Variants in RALGAPA1 observed in about 807,000 individuals in gnomAD.
The protein encoded by RALGAPA1 is Ral GTPase activating protein catalytic subunit alpha 1, also known as ral GTPase-activating protein subunit alpha-1.
A neutral mutation model predicts 269.6 loss-of-function variants in RALGAPA1; 52 were observed. The observed-to-expected ratio is 0.19, with a 90% confidence interval of 0.15 to 0.24. RALGAPA1 has a LOEUF of 0.24. Among genes scored for constraint, RALGAPA1 ranks in the 10% least tolerant of loss-of-function variants. RALGAPA1 has a pLI of 1.00. For synonymous variants in RALGAPA1, 817 were observed against 1,008.3 expected (o/e 0.81, Z 3.60); for missense variants, 1,917 against 3,013.9 (o/e 0.64, Z 8.52).
intron 37 of RALGAPA1, among the ~76,000 whole-genome samples, chr14:35,579,919 T>C (rs2057843122): frequency 3.3e-5 from 5 of 152,180 alleles, no homozygotes; most frequent in Admixed American, 2.6e-4. Flanking sequence ...ATTTATTTTT[T>C]AACAAATTCA....
intron 11 of RALGAPA1, among the ~76,000 whole-genome samples, chr14:35,740,291 C>T (rs2071424070): frequency 6.6e-6 from 1 of 152,194 alleles, no homozygotes; most frequent in South Asian, 2.1e-4. Context: ...CTACCTCCAA[C>T]ACTTGTTCTC....
At chr14:35,630,985 CTAAA>C (rs1321131599) in intron 33 of RALGAPA1, among the ~76,000 whole-genome samples, 1 of 151,950 alleles carries the variant, frequency 6.6e-6, no homozygotes, top group Non-Finnish European at 1.5e-5. Context: ...ATTAATAACA[CTAAA>C]TGATTAACTT....
chr14:35,735,368 A>G (rs2070883165), intron 12 of RALGAPA1, among the ~76,000 whole-genome samples: 1 of 152,252 alleles, frequency 6.6e-6, no homozygotes, highest in Non-Finnish European at 1.5e-5. Context: ...ACAATGGAAT[A>G]CTATTCAGCC....
chr14:35,608,648 A>T (rs576741352), intron 35 of RALGAPA1, among the ~76,000 whole-genome samples: 48 of 152,332 alleles, frequency 3.2e-4, no homozygotes, highest in Admixed American at 2.9e-3. Flanking sequence ...AAATATGAAA[A>T]TTACAAATAT....
At chr14:35,586,502 G>A (rs2058299979) in intron 37 of RALGAPA1, among the ~76,000 whole-genome samples, 1 of 152,186 alleles carries the variant, frequency 6.6e-6, no homozygotes. Context: ...CAGGAGTGGT[G>A]AGAGAGGGCA....
chr14:35,565,477 T>A (rs2056618717), intron 39 of RALGAPA1, among the ~76,000 whole-genome samples: 1 of 152,054 alleles, frequency 6.6e-6, no homozygotes, highest in Admixed American at 6.6e-5. Context: ...TGGGTGGGCC[T>A]CATCCAATCA....
chr14:35,676,160 C>T (rs1200042217), intron 22 of RALGAPA1: 5 of 151,800 alleles, frequency 3.3e-5, no homozygotes, highest in South Asian at 4.2e-4. Context: ...TCAAAGCTAA[C>T]AAAATTTTAA....
At chr14:35,695,447 A>G (rs2066828091) in intron 17 of RALGAPA1, among the ~76,000 whole-genome samples, 1 of 152,194 alleles carries the variant, frequency 6.6e-6, no homozygotes, top group Non-Finnish European at 1.5e-5. Flanking sequence ...TTTATTTTTC[A>G]TTGACAGTCA....
chr14:35,679,079 T>C (rs1044301978), intron 21 of RALGAPA1, among the ~76,000 whole-genome samples: 23 of 152,226 alleles, frequency 1.5e-4, no homozygotes, highest in Admixed American at 6.5e-5. Flanking sequence ...CTGGGTATAG[T>C]ACCTGGTGCA....
At chr14:35,760,624 CTTGGGA>C (rs1335318234) in intron 6 of RALGAPA1, among the ~76,000 whole-genome samples, 199 bp downstream of exon 6, 3 of 152,224 alleles carry the variant, frequency 2.0e-5, no homozygotes, top group Non-Finnish European at 4.4e-5. Flanking sequence ...GCCCCTTCCT[CTTGGGA>C]ACTGTGAGTA....
chr14:35,617,526 G>A (rs535125964), intron 35 of RALGAPA1, among the ~76,000 whole-genome samples: 1 of 151,474 alleles, frequency 6.6e-6, no homozygotes, highest in South Asian at 2.1e-4. Context: ...TCTGAGGCAG[G>A]AGAATCACTT....
intron 1 of RALGAPA1, among the ~76,000 whole-genome samples, chr14:35,794,692 G>A (rs2076433668): frequency 6.6e-6 from 1 of 152,110 alleles, no homozygotes; most frequent in Non-Finnish European, 1.5e-5. Context: ...TCCTGACCTC[G>A]TGATCCGCCC....
At chr14:35,583,409 A>T (rs1183370853) in intron 37 of RALGAPA1, among the ~76,000 whole-genome samples, 2 of 152,214 alleles carry the variant, frequency 1.3e-5, no homozygotes, top group Non-Finnish European at 2.9e-5. Context: ...CCTCCAAAAC[A>T]GAAAAGCAAA....
intron 34 of RALGAPA1, 37 bp downstream of exon 34, chr14:35,627,049 GAAAA>G (rs34349314): frequency 9.7e-6 from 11 of 1,130,576 alleles, no homozygotes; most frequent in South Asian, 4.8e-5. Context: ...GAATAAGACC[GAAAA>G]AAAAAAAAAA....
At chr14:35,764,421 T>C (rs1443275084) in intron 4 of RALGAPA1, among the ~76,000 whole-genome samples, 3 of 152,300 alleles carry the variant, frequency 2.0e-5, no homozygotes, top group East Asian at 1.9e-4. Context: ...GAGTTCCTTC[T>C]GTATTACTAA....
At chr14:35,543,244 T>C (rs2054166287) in intron 41 of RALGAPA1, among the ~76,000 whole-genome samples, 1 of 152,164 alleles carries the variant, frequency 6.6e-6, no homozygotes, top group African/African-American at 2.4e-5. Context: ...GGGATTAAGA[T>C]TACATATGCA....
chr14:35,685,899 A>G (rs958850791), intron 19 of RALGAPA1, among the ~76,000 whole-genome samples: 9 of 152,042 alleles, frequency 5.9e-5, no homozygotes, highest in African/African-American at 2.2e-4. Context: ...CTCAAAAGAA[A>G]CTAGTTCCAT....
chr14:35,766,569 C>T, intron 4 of RALGAPA1: 1 of 821,618 alleles, frequency 1.2e-6, no homozygotes, highest in South Asian at 1.3e-5. Context: ...TGATGGGCTA[C>T]AATATGGTCA....
intron 18 of RALGAPA1, 135 bp downstream of exon 18, chr14:35,688,324 C>A (rs1473990391): frequency 3.3e-6 from 3 of 903,060 alleles, no homozygotes; most frequent in Non-Finnish European, 3.3e-6. Flanking sequence ...TGGGAAAAGG[C>A]GCATGCATAA....
Sources: allele counts gnomAD v4.1 joint callset (sites outside exome capture counted in the v4.1 genomes callset), GRCh38; gene constraint gnomAD v4.1.1; transcripts MANE v1.5; gene names NCBI Gene and HGNC (gene_info 2026-07-23, HGNC 2026-07-21).